CHD6: variants seen among roughly 807,000 people sequenced by gnomAD.
CHD6 encodes the protein chromodomain helicase DNA binding protein 6, also known as ATP-dependent chromatin remodeler CHD6.
Under a neutral mutation model 276.9 loss-of-function variants are expected in CHD6, and 50 were observed. The observed-to-expected ratio is 0.18, with a 90% CI of 0.14 to 0.23. CHD6 has a LOEUF of 0.23. CHD6 is among the 10% of genes least tolerant of loss of function. CHD6 has a pLI of 1.00. For missense variants in CHD6, 2,564 were observed against 3,365.8 expected (o/e 0.76, Z 5.89); for synonymous variants, 1,173 against 1,229.3 (o/e 0.95, Z 0.96).
At chr20:41,521,144 A>T (rs2044383825) in intron 3 of CHD6, among the ~76,000 whole-genome samples, 1 of 152,214 alleles carries the variant, frequency 6.6e-6, no homozygotes, top group Admixed American at 6.5e-5. Flanking sequence ...AAACATAAAA[A>T]ACTAAAGATG....
chr20:41,547,817 C>G (rs931069675), intron 2 of CHD6: 1 of 488,076 alleles, frequency 2.0e-6, no homozygotes, highest in African/African-American at 2.0e-5. Flanking sequence ...TTAAAGAGCT[C>G]CTGGGGACTG....
At chr20:41,571,271 A>C (rs2045412824) in intron 1 of CHD6, among the ~76,000 whole-genome samples, 1 of 152,180 alleles carries the variant, frequency 6.6e-6, no homozygotes, top group Admixed American at 6.6e-5. Context: ...AAAGCTTAGA[A>C]GTTGCTGCTT....
chr20:41,444,090 C>G (rs978663467), intron 25 of CHD6, among the ~76,000 whole-genome samples: 2 of 152,162 alleles, frequency 1.3e-5, no homozygotes, highest in African/African-American at 4.8e-5. Flanking sequence ...GGTCACTAGG[C>G]CTTCCCCCAC....
At chr20:41,469,593 T>TA (rs2043007390) in intron 17 of CHD6, among the ~76,000 whole-genome samples, 2 of 152,212 alleles carry the variant, frequency 1.3e-5, no homozygotes, top group South Asian at 4.1e-4. Flanking sequence ...CCTTAGGTGT[T>TA]ATGGGAAACC....
chr20:41,444,105 C>G (rs1263375074), intron 25 of CHD6, among the ~76,000 whole-genome samples: 2 of 152,150 alleles, frequency 1.3e-5, no homozygotes, highest in Admixed American at 1.3e-4. Flanking sequence ...CCCCACAAAC[C>G]AAATTCAGAT....
At chr20:41,584,072 G>C (rs2045567767) in intron 1 of CHD6, among the ~76,000 whole-genome samples, 1 of 152,040 alleles carries the variant, frequency 6.6e-6, no homozygotes, top group African/African-American at 2.4e-5. Context: ...AAAAGGCTGA[G>C]ATTATCACAA....
At chr20:41,494,517 A>G (rs545147116) in intron 8 of CHD6, among the ~76,000 whole-genome samples, 1 of 152,348 alleles carries the variant, frequency 6.6e-6, no homozygotes, top group Non-Finnish European at 1.5e-5. Flanking sequence ...TGTCCAGAGT[A>G]ATGCTAAGTA....
rs142643615 is a variant in CHD6, at chr20:41,404,683, G to A, written c.8058C>T (p.Ala2686=). The change falls in exon 37 of 37, where the codon GCC becomes GCT. Residue 2686 remains alanine (A), a synonymous_variant. Transcript: ENST00000373233. ...EREPSGDENC[A]EPSAPLPAER... is the part of the protein sequence containing the mutation. ...CTGCGGGCAAAGGGGCACTGGGTTCGGCACAGTTCTCATCACCGCTGGGCT... is the reference window on the plus strand; with the variant it reads ...CTGCGGGCAAAGGGGCACTGGGTTCAGCACAGTTCTCATCACCGCTGGGCT... The A allele has an allele frequency of 3.8e-5, 60 of 1,574,110 alleles. No homozygotes were observed. The African/African-American group carries it at 6.0e-4, about 16-fold the overall frequency.
In CHD6 at chr20:41,488,411, G is replaced by T; in HGVS notation, c.1857+17C>A. 3.8e-6 allele frequency: 6 copies of T among 1,595,184 alleles called. No homozygotes were observed. Among genetic ancestry groups the T allele is most frequent in the Non-Finnish European group, 5.1e-6 (6 of 1,172,998 alleles). ...CAAAAGGAACCTGTGTTTATGTAAAGAGATGCTAACTCTCACCAGGGCCAT... is the reference window on the plus strand; with the variant it reads ...CAAAAGGAACCTGTGTTTATGTAAATAGATGCTAACTCTCACCAGGGCCAT... On this transcript the variant is annotated intron_variant, in intron 13 of 36. Transcript: ENST00000373233.
At chr20:41,471,695 G>T (rs755029539) in intron 17 of CHD6, among the ~76,000 whole-genome samples, 10 of 151,498 alleles carry the variant, frequency 6.6e-5, no homozygotes, top group Admixed American at 1.3e-4. Context: ...ACCACGCCTG[G>T]CTAATTTTTT....
At position 41,413,326 on chromosome 20, in the gene CHD6, C is replaced by T. The variant is rs1180322514; in HGVS notation, c.7129G>A (p.Ala2377Thr). 1 of 1,594,662 alleles carries T rather than the reference C, an allele frequency of 6.3e-7. No individual in the cohort carries two copies. Among genetic ancestry groups the T allele is most frequent in the African/African-American group, 1.3e-5 (1 of 74,582 alleles). Residue 2377 changes from alanine to threonine, a missense_variant and splice_region_variant, in exon 35 of 37, where the codon GCA (alanine) becomes ACA (threonine). By Grantham distance (58) the Ala-to-Thr change is moderately conservative. Transcript: ENST00000373233. ...DYSLEVPGFG[A>T]NFSDKPKQRR... ...AGGCAGTACCAACAAACACTTACTG[C>T]CCCAAAGCCAGGAACTTCTAAGGAG...
At chr20:41,583,216 T>C (rs924882648) in intron 1 of CHD6, among the ~76,000 whole-genome samples, 1 of 151,880 alleles carries the variant, frequency 6.6e-6, no homozygotes, top group Non-Finnish European at 1.5e-5. Flanking sequence ...AGAACACACA[T>C]TGAGACACTT....
At position 41,423,706 on chromosome 20, in the gene CHD6, G is replaced by A; in HGVS notation, c.4347-6C>T. 6.2e-7 allele frequency: 1 copy of A among 1,610,726 alleles called. No individual in the cohort carries two copies. The highest frequency in any genetic ancestry group is 8.5e-7 in the Non-Finnish European group (1 of 1,177,170). On this transcript the variant is annotated splice_polypyrimidine_tract_variant and splice_region_variant and intron_variant, in intron 29 of 36. Transcript: ENST00000373233. ...CTTGTTCTCTCCTAGTCCACCTTGA[G>A]ATTTAATCAGAAAGGAAGAGTGAGC...
intron 1 of CHD6, among the ~76,000 whole-genome samples, chr20:41,555,005 G>C (rs1470730662): frequency 6.6e-6 from 1 of 150,448 alleles, no homozygotes; most frequent in Non-Finnish European, 1.5e-5. Context: ...TGGCCGGGCG[G>C]GGGGCTGACC....
chr20:41,539,943 A>G (rs1490799672), intron 2 of CHD6, among the ~76,000 whole-genome samples: 2 of 152,226 alleles, frequency 1.3e-5, no homozygotes, highest in Non-Finnish European at 2.9e-5. Context: ...CTATGGTCTA[A>G]TCACATTTTT....
chr20:41,422,131 C>T (rs1466975567), intron 30 of CHD6, 52 bp from the exon 31 acceptor site: 3 of 1,535,520 alleles, frequency 2.0e-6, no homozygotes, highest in Admixed American at 1.9e-5. Flanking sequence ...TCAGACACTC[C>T]CCGCCCACCT....
At chr20:41,516,581 G>A (rs1037204612) in intron 3 of CHD6, among the ~76,000 whole-genome samples, 2 of 152,154 alleles carry the variant, frequency 1.3e-5, no homozygotes, top group Admixed American at 1.3e-4. Context: ...GACAAGATGT[G>A]AACCCGAGTG....
At chr20:41,504,979 T>C (rs1356729428) in intron 5 of CHD6, among the ~76,000 whole-genome samples, 3 of 152,164 alleles carry the variant, frequency 2.0e-5, no homozygotes, top group African/African-American at 7.2e-5. Context: ...GGTGGTCCCT[T>C]TGATCCAGTC....
chr20:41,516,010 T>C (rs908786589), intron 3 of CHD6, among the ~76,000 whole-genome samples: 3 of 152,198 alleles, frequency 2.0e-5, no homozygotes, highest in Non-Finnish European at 4.4e-5. Flanking sequence ...TACATATATG[T>C]GCACATATAA....
Sources: gnomAD v4.1 joint callset for allele counts (sites outside exome capture counted in the v4.1 genomes callset) on GRCh38, gnomAD v4.1.1 for gene constraint, MANE v1.5 for transcripts, NCBI Gene and HGNC (gene_info 2026-07-23, HGNC 2026-07-21) for gene names.